Variants in DNAH9 observed in about 807,000 individuals in gnomAD.
DNAH9 encodes the protein dynein axonemal heavy chain 9.
A neutral mutation model predicts 471.6 loss-of-function variants in DNAH9; 345 were observed. The observed-to-expected ratio is 0.73, with a 90% CI of 0.67 to 0.80. The LOEUF (loss-of-function observed/expected upper bound fraction) is 0.80, where lower values mean the gene tolerates loss of function less well. Ranked by LOEUF, DNAH9 falls within the 30% of genes least tolerant of loss-of-function variation. DNAH9 has a pLI of 0.00. For missense variants in DNAH9, 5,407 were observed against 5,609.2 expected (o/e 0.96, Z 1.15); for synonymous variants, 2,093 against 2,123.6 (o/e 0.99, Z 0.40).
chr17:11,872,963 C>A (rs1401414167), intron 52 of DNAH9, among the ~76,000 whole-genome samples: 1 of 152,162 alleles, frequency 6.6e-6, no homozygotes, highest in Admixed American at 6.5e-5. Flanking sequence ...TGAAAGTCAG[C>A]CCCAAATTTC....
chr17:11,957,077 G>A (rs945096170), intron 67 of DNAH9, among the ~76,000 whole-genome samples: 1 of 151,806 alleles, frequency 6.6e-6, no homozygotes, highest in African/African-American at 2.4e-5. Context: ...AGGATGGAAG[G>A]GGAGATATCA....
chr17:11,805,446 GGA>G (rs1969630603), intron 43 of DNAH9, among the ~76,000 whole-genome samples: 1 of 147,552 alleles, frequency 6.8e-6, no homozygotes, highest in African/African-American at 2.5e-5. Flanking sequence ...AACACAGACA[GGA>G]GCACAGGATT....
At position 11,700,200 on chromosome 17, in the gene DNAH9, A is replaced by G. The variant is rs181223932; in HGVS notation, c.5025+317A>G. On this transcript the variant is annotated intron_variant, in intron 23 of 68. Transcript: ENST00000262442. ...GGATTTTAAAATGATTAGCGGCACC[A>G]GGAGACGTCAACATGGCAACCCCTG... is the stretch of plus-strand genomic sequence containing the variant. Among the ~76,000 whole-genome samples the G allele has an allele frequency of 4.2e-3, 633 of 152,340 alleles. 3 individuals carry two copies. Among genetic ancestry groups the G allele is most frequent in the Middle Eastern group, 6.8e-3 (2 of 294 alleles).
intron 1 of DNAH9, among the ~76,000 whole-genome samples, chr17:11,604,132 C>T (rs1263442332): frequency 6.6e-6 from 1 of 151,868 alleles, no homozygotes; most frequent in Non-Finnish European, 1.5e-5. Flanking sequence ...AAGCAATTCT[C>T]CTGCCTCAGC....
chr17:11,616,466 A>G lies in DNAH9; in HGVS notation c.905-945A>G, dbSNP rs577764283. Among the ~76,000 whole-genome samples the G allele has an allele frequency of 2.0e-5, 3 of 152,268 alleles. No homozygotes were observed. The East Asian group carries it at 5.8e-4, about 29-fold the overall frequency. ...TCGCCCTTCCAATTTAGTTTGTCCA[A>G]TGCCCTTTTGCATTCCCTCTAAGTT... On this transcript the variant is annotated intron_variant, in intron 4 of 68. Coordinates refer to ENST00000262442, the MANE Select transcript of DNAH9 (RefSeq NM_001372.4).
intron 48 of DNAH9, among the ~76,000 whole-genome samples, chr17:11,823,933 AAAAAAAAAAGAAAG>A (rs1387263862): frequency 6.6e-6 from 1 of 151,752 alleles, no homozygotes; most frequent in Non-Finnish European, 1.5e-5. Flanking sequence ...CCATCTCAAA[AAAAAAAAAAGAAAG>A]AAAAAAAGAA....
At chr17:11,817,565 TAATG>T (rs1324570437) in intron 45 of DNAH9, among the ~76,000 whole-genome samples, 2 of 152,242 alleles carry the variant, frequency 1.3e-5, no homozygotes, top group African/African-American at 4.8e-5. Context: ...AGATAATACC[TAATG>T]ATCATGGCTA....
At chr17:11,754,804 C>A (rs958344216) in intron 33 of DNAH9, among the ~76,000 whole-genome samples, 8 of 152,222 alleles carry the variant, frequency 5.3e-5, no homozygotes, top group Admixed American at 2.0e-4. Context: ...TTGATCATTT[C>A]TTTTGCTGTC....
Position 11,875,048 on chromosome 17 carries a change from A to G in DNAH9, c.10342A>G (p.Met3448Val). ...GAACGAGGGCCTCCCAGCCGACCGC[A>G]TGTCCGTGGAGAATGCCACCATTCT... The part of the protein sequence containing the change: ...WQNEGLPADR[M>V]SVENATILIN... Residue 3448 changes from methionine (M) to valine (V), a missense_variant, in exon 53 of 69, where the codon ATG (methionine) becomes GTG (valine). By Grantham distance (21) the Met-to-Val change is conservative. Transcript: ENST00000262442. The G allele has an allele frequency of 6.2e-7, 1 of 1,614,112 alleles. No homozygotes were observed. Among genetic ancestry groups the G allele is most frequent in the Non-Finnish European group, 8.5e-7 (1 of 1,180,024 alleles).
intron 50 of DNAH9, among the ~76,000 whole-genome samples, chr17:11,856,697 C>A (rs1012523838): frequency 9.2e-5 from 14 of 151,558 alleles, no homozygotes; most frequent in Admixed American, 9.2e-4. Context: ...CACAGCGAGA[C>A]CCTGTCTCAG....
chr17:11,749,648 G>A (rs1428175795), intron 32 of DNAH9, among the ~76,000 whole-genome samples: 1 of 151,754 alleles, frequency 6.6e-6, no homozygotes, highest in Non-Finnish European at 1.5e-5. Context: ...TTTATGTTGG[G>A]GCTTAGTATG....
intron 26 of DNAH9, among the ~76,000 whole-genome samples, chr17:11,715,291 G>T (rs1041534023): frequency 1.3e-5 from 2 of 152,060 alleles, no homozygotes; most frequent in Non-Finnish European, 2.9e-5. Context: ...CAAATATCTT[G>T]TCTCATAGTA....
intron 44 of DNAH9, among the ~76,000 whole-genome samples, chr17:11,809,402 A>T (rs1215476087): frequency 3.3e-5 from 5 of 151,788 alleles, no homozygotes; most frequent in African/African-American, 1.2e-4. Flanking sequence ...CATCTCTACA[A>T]CAAAAATACA....
chr17:11,614,099 G>A (rs2072692259), intron 4 of DNAH9, among the ~76,000 whole-genome samples: 6 of 152,182 alleles, frequency 3.9e-5, no homozygotes, highest in Admixed American at 3.9e-4. Context: ...CAGTGTCAAT[G>A]ATGGAAGAAA....
In DNAH9 at chr17:11,891,824, C is replaced by A; in HGVS notation, c.11160C>A (p.Asp3720Glu). The A allele has an allele frequency of 6.2e-7, 1 of 1,614,086 alleles. No homozygotes were observed. Among genetic ancestry groups the A allele is most frequent in the South Asian group, 1.1e-5 (1 of 91,082 alleles). ...AGGCTGTGGAGAGGGCTGCTCCTGACGAAAGCCTCAGGGAGCGGGTGGCCA... is the reference window on the plus strand; with the variant it reads ...AGGCTGTGGAGAGGGCTGCTCCTGAAGAAAGCCTCAGGGAGCGGGTGGCCA... ...FQKAVERAAP[D>E]ESLRERVANL... The change falls in exon 58 of 69, where the codon GAC (aspartate) becomes GAA (glutamate). Residue 3720 changes from aspartate to glutamate, a missense_variant. By Grantham distance (45) the Asp-to-Glu change is conservative. Transcript: ENST00000262442.
At chr17:11,718,441 A>G (rs768642229) in intron 26 of DNAH9, among the ~76,000 whole-genome samples, 4 of 152,248 alleles carry the variant, frequency 2.6e-5, no homozygotes, top group Non-Finnish European at 4.4e-5. Context: ...TTGTGTAAAC[A>G]TGTATTCTTA....
chr17:11,954,228 T>C (rs1975527183), intron 67 of DNAH9, among the ~76,000 whole-genome samples: 1 of 151,034 alleles, frequency 6.6e-6, no homozygotes, highest in African/African-American at 2.4e-5. Flanking sequence ...AAGGATGGGG[T>C]TGTTGATGGG....
At chr17:11,882,126 A>G (rs536606270) in intron 55 of DNAH9, among the ~76,000 whole-genome samples, 3 of 152,352 alleles carry the variant, frequency 2.0e-5, no homozygotes, top group African/African-American at 7.2e-5. Context: ...GGTGGCTTAA[A>G]TAACACATAT....
chr17:11,839,409 G>T (rs773068537), intron 49 of DNAH9, among the ~76,000 whole-genome samples: 4 of 152,092 alleles, frequency 2.6e-5, no homozygotes, highest in Non-Finnish European at 5.9e-5. Context: ...CCAGCTACTC[G>T]GGAGGCTGAG....
Sources: gnomAD v4.1 joint callset for allele counts (sites outside exome capture counted in the v4.1 genomes callset) on GRCh38, gnomAD v4.1.1 for gene constraint, MANE v1.5 for transcripts, NCBI Gene and HGNC (gene_info 2026-07-23, HGNC 2026-07-21) for gene names.